Variants in PTPN11 observed in about 807,000 individuals in gnomAD.
PTPN11 encodes tyrosine-protein phosphatase non-receptor type 11.
In PTPN11, 6 loss-of-function variants were observed where a neutral mutation model predicts 78.8. The observed-to-expected ratio is 0.08, with a 90% CI of 0.04 to 0.15. PTPN11 has a LOEUF of 0.15. Among genes scored for constraint, PTPN11 ranks in the 10% least tolerant of loss-of-function variants. The probability of loss-of-function intolerance (pLI) is 1.00; values close to 1 mark genes in which losing one functional copy is unlikely to be tolerated. For synonymous variants in PTPN11, 221 were observed against 263.5 expected (o/e 0.84, Z 1.56); for missense variants, 386 against 744.8 (o/e 0.52, Z 5.61).
intron 6 of PTPN11, among the ~76,000 whole-genome samples, chr12:112,461,503 C>G (rs929573724): frequency 3.3e-5 from 5 of 151,418 alleles, no homozygotes; most frequent in African/African-American, 1.2e-4. Context: ...TTTTTTGATT[C>G]TTTTGTAGAG....
At chr12:112,492,618 C>A (rs1015420017) in intron 13 of PTPN11, among the ~76,000 whole-genome samples, 2 of 151,292 alleles carry the variant, frequency 1.3e-5, no homozygotes, top group Non-Finnish European at 2.9e-5. Flanking sequence ...CCCGGGTTGA[C>A]GCCATTCTCC....
chr12:112,484,933 A>G (rs780185278), intron 10 of PTPN11, among the ~76,000 whole-genome samples: 1 of 152,004 alleles, frequency 6.6e-6, no homozygotes, highest in Non-Finnish European at 1.5e-5. Context: ...GAAGAAGAAA[A>G]AAGAGAAAAG....
At chr12:112,466,894 G>A (rs2038334437) in intron 6 of PTPN11, among the ~76,000 whole-genome samples, 1 of 151,726 alleles carries the variant, frequency 6.6e-6, no homozygotes, top group Admixed American at 6.6e-5. Context: ...TTTATTTTCT[G>A]TCTGCCTCTC....
At chr12:112,453,783 G>A (rs1488159286) in intron 4 of PTPN11, among the ~76,000 whole-genome samples, 1 of 151,612 alleles carries the variant, frequency 6.6e-6, no homozygotes. Context: ...TTGAGTAGCT[G>A]GGACTACAGG....
At chr12:112,458,811 T>TCACTTGATTC (rs1478893502) in intron 6 of PTPN11, among the ~76,000 whole-genome samples, 10 of 152,124 alleles carry the variant, frequency 6.6e-5, no homozygotes, top group African/African-American at 2.2e-4. Context: ...GGCAGGCAGC[T>TCACTTGATTC]CACTTGATTC....
Position 112,457,135 on chromosome 12 carries a change from G to A in PTPN11, c.756+1072G>A, listed in dbSNP as rs542098149. ...GTGAAAAAGTGATGATAGGCTGGGC[G>A]TGGTGGCTCACTCCTGTAATCTCAG... On this transcript the variant is annotated intron_variant, in intron 6 of 15. Transcript: ENST00000351677. 5.3e-5 allele frequency among the ~76,000 whole-genome samples: 8 copies of A among 152,194 alleles called. No homozygotes were observed. The South Asian group carries it at 8.3e-4, about 16-fold the overall frequency.
chr12:112,469,927 G>A (rs2038388028), intron 6 of PTPN11, among the ~76,000 whole-genome samples: 1 of 151,878 alleles, frequency 6.6e-6, no homozygotes, highest in African/African-American at 2.4e-5. Flanking sequence ...TCTTGAAGGT[G>A]CTTTTTTTTT....
intron 1 of PTPN11, among the ~76,000 whole-genome samples, chr12:112,429,315 C>T (rs905419903): frequency 1.3e-5 from 2 of 152,054 alleles, no homozygotes; most frequent in African/African-American, 4.8e-5. Flanking sequence ...CTATTCTCAT[C>T]TGTTTGTTCT....
rs146749153 is a variant in PTPN11, at chr12:112,453,192, T to A, written c.333-3T>A. 6.2e-7 allele frequency: 1 copy of A among 1,610,936 alleles called. No individual in the cohort carries two copies. Among genetic ancestry groups the A allele is most frequent in the Non-Finnish European group, 8.5e-7 (1 of 1,178,844 alleles). On this transcript the variant is annotated splice_polypyrimidine_tract_variant and splice_region_variant and intron_variant, in intron 3 of 15. Coordinates refer to ENST00000351677, the MANE Select transcript of PTPN11 (RefSeq NM_002834.5). ...ATTCTTTTTTATTTTTTAAAAACTTTAGGTGGTTTCATGGACATCTCTCTG... is the reference window on the plus strand; with the variant it reads ...ATTCTTTTTTATTTTTTAAAAACTTAAGGTGGTTTCATGGACATCTCTCTG...
At chr12:112,459,679 G>A (rs1426388553) in intron 6 of PTPN11, among the ~76,000 whole-genome samples, 4 of 151,904 alleles carry the variant, frequency 2.6e-5, no homozygotes, top group Non-Finnish European at 5.9e-5. Flanking sequence ...TGTTGGCCAC[G>A]CTGGTCTCAA....
At position 112,477,764 on chromosome 12, in the gene PTPN11, T is replaced by C. The variant is rs760787137; in HGVS notation, c.933+34T>C. 1.7e-5 allele frequency: 28 copies of C among 1,605,208 alleles called. 1 individual carries two copies. The South Asian group carries it at 3.1e-4, about 18-fold the overall frequency. ...TGCTTTTCACAGTGTTTTCTGACCA[T>C]ACATTTCTAGCCTATTTTTGTATTT... On this transcript the variant is annotated intron_variant, in intron 8 of 15. Transcript: ENST00000351677.
intron 13 of PTPN11, among the ~76,000 whole-genome samples, chr12:112,501,298 C>T (rs553591809): frequency 6.6e-6 from 1 of 152,128 alleles, no homozygotes; most frequent in African/African-American, 2.4e-5. Flanking sequence ...CTTTTCCCCC[C>T]CAGGGTATCA....
intron 1 of PTPN11, among the ~76,000 whole-genome samples, chr12:112,426,427 T>C (rs2037616570): frequency 6.6e-6 from 1 of 152,146 alleles, no homozygotes; most frequent in Non-Finnish European, 1.5e-5. Flanking sequence ...TGGGTAATTT[T>C]TGTATTTTTA....
intron 6 of PTPN11, among the ~76,000 whole-genome samples, chr12:112,466,948 A>G (rs1398696398): frequency 2.0e-5 from 3 of 151,892 alleles, no homozygotes; most frequent in African/African-American, 7.3e-5. Context: ...AATTCTAGTC[A>G]AGAGCTGGGT....
At chr12:112,424,051 C>T (rs2037566781) in intron 1 of PTPN11, among the ~76,000 whole-genome samples, 1 of 152,146 alleles carries the variant, frequency 6.6e-6, no homozygotes, top group Non-Finnish European at 1.5e-5. Flanking sequence ...TGTACCTGGC[C>T]TTTACAATGT....
intron 1 of PTPN11, among the ~76,000 whole-genome samples, chr12:112,424,482 G>A (rs2037574052): frequency 1.3e-5 from 2 of 152,178 alleles, no homozygotes; most frequent in African/African-American, 4.8e-5. Flanking sequence ...AGGAAGGATT[G>A]TAGGAGGCAG....
chr12:112,500,870 G>T (rs1046529148), intron 13 of PTPN11, among the ~76,000 whole-genome samples: 28 of 152,222 alleles, frequency 1.8e-4, no homozygotes, highest in African/African-American at 6.5e-4. Flanking sequence ...GGGATAACAG[G>T]CATGAGCCAC....
At position 112,482,219 on chromosome 12, in the gene PTPN11, C is replaced by A; in HGVS notation, c.1224+14C>A. On this transcript the variant is annotated intron_variant, in intron 10 of 15. Transcript: ENST00000351677. The surrounding 1 kb of genome is among the most constrained non-coding windows in gnomAD (Gnocchi z 4.4). ...AAGGTTGGACAAGTAAGTATATTGTCGTATTCTAGAGACTTTGGGAACTGT... is the reference window on the plus strand; with the variant it reads ...AAGGTTGGACAAGTAAGTATATTGTAGTATTCTAGAGACTTTGGGAACTGT... 2 of 1,610,926 alleles carry A rather than the reference C, an allele frequency of 1.2e-6. No homozygotes were observed. The highest frequency in any genetic ancestry group is 2.2e-5 in the South Asian group (2 of 90,878).
chr12:112,496,721 G>A (rs2038818545), intron 13 of PTPN11, among the ~76,000 whole-genome samples: 1 of 152,142 alleles, frequency 6.6e-6, no homozygotes, highest in Non-Finnish European at 1.5e-5. Context: ...TGGTATAGGT[G>A]TAAAGTAGTT....
Sources: gnomAD v4.1 joint callset for allele counts (sites outside exome capture counted in the v4.1 genomes callset) on GRCh38, gnomAD v4.1.1 for gene constraint, Gnocchi (gnomAD v3.1) non-coding constraint, MANE v1.5 for transcripts, NCBI Gene and HGNC (gene_info 2026-07-23, HGNC 2026-07-21) for gene names.